The following RANBP3 variants were observed in gnomAD, a reference collection of about 807,000 sequenced individuals.
The protein encoded by RANBP3 is ran-binding protein 3.
RANBP3 carries 14 observed loss-of-function variants against 77.3 expected under a neutral mutation model. The ratio of observed to expected loss-of-function variants is 0.18; its 90% CI spans 0.12 to 0.28. RANBP3 has a LOEUF of 0.28. Ranked by LOEUF, RANBP3 falls within the 10% of genes least tolerant of loss-of-function variation. RANBP3 has a pLI of 1.00. For synonymous variants in RANBP3, 315 were observed against 312.4 expected (o/e 1.01, Z -0.09); for missense variants, 586 against 752.3 (o/e 0.78, Z 2.59).
chr19:5,932,424 C>A (rs780330308), intron 7 of RANBP3, 28 bp downstream of exon 7: 6 of 1,602,686 alleles, frequency 3.7e-6, no homozygotes, highest in Non-Finnish European at 5.1e-6. Flanking sequence ...GCCGTCTGGG[C>A]CTGGGCGCCA....
At chr19:5,957,131 T>G (rs2058344277) in intron 2 of RANBP3, among the ~76,000 whole-genome samples, 1 of 152,036 alleles carries the variant, frequency 6.6e-6, no homozygotes, top group African/African-American at 2.4e-5. Flanking sequence ...GGATAAACAG[T>G]GAGGGTCCCC....
intron 8 of RANBP3, among the ~76,000 whole-genome samples, chr19:5,929,499 T>C (rs2057959108): frequency 6.6e-6 from 1 of 152,260 alleles, no homozygotes; most frequent in Admixed American, 6.5e-5. Flanking sequence ...GGTATGTCTA[T>C]GACCTGGCGG....
At chr19:5,977,344 G>A (rs1174007716) in intron 1 of RANBP3, among the ~76,000 whole-genome samples, 1 of 152,114 alleles carries the variant, frequency 6.6e-6, no homozygotes, top group African/African-American at 2.4e-5. Context: ...CACTCAGGTG[G>A]GCTGTCAGCG....
intron 15 of RANBP3, 109 bp downstream of exon 15, chr19:5,918,387 A>AGGGGGGGGGGGGGGGG: frequency 1.7e-5 from 9 of 529,914 alleles, no homozygotes; most frequent in Admixed American, 7.3e-5. Context: ...AAGCAACTGA[A>AGGGGGGGGGGGGGGGG]GCCCCTCCCC....
chr19:5,933,108 A>G (rs2058017101), intron 6 of RANBP3: 1 of 383,168 alleles, frequency 2.6e-6, no homozygotes, highest in Non-Finnish European at 4.8e-6. Context: ...GGGCCAGAAC[A>G]TGAAGGACAG....
chr19:5,971,303 G>A (rs902679621), intron 1 of RANBP3, among the ~76,000 whole-genome samples: 3 of 152,018 alleles, frequency 2.0e-5, no homozygotes, highest in East Asian at 3.8e-4. Context: ...TGTCTTTAAC[G>A]TCTGACTTAA....
chr19:5,944,939 G>C (rs771660027), intron 3 of RANBP3, among the ~76,000 whole-genome samples: 5 of 152,170 alleles, frequency 3.3e-5, no homozygotes, highest in South Asian at 2.1e-4. Flanking sequence ...ATGACTTCTG[G>C]GACCAGGAGA....
intron 13 of RANBP3, among the ~76,000 whole-genome samples, chr19:5,922,941 A>G (rs1164936358): frequency 6.6e-6 from 1 of 152,204 alleles, no homozygotes; most frequent in Non-Finnish European, 1.5e-5. Context: ...CATTGTCTCA[A>G]AAAAAATTAA....
chr19:5,968,597 C>T (rs111250989), intron 1 of RANBP3, among the ~76,000 whole-genome samples: 6 of 152,252 alleles, frequency 3.9e-5, no homozygotes, highest in Admixed American at 1.3e-4. Context: ...ACGACAAATG[C>T]GTCAGAGTCT....
At chr19:5,925,559 A>G in intron 10 of RANBP3, 75 bp downstream of exon 10, 1 of 1,304,930 alleles carries the variant, frequency 7.7e-7, no homozygotes, top group Non-Finnish European at 1.1e-6. Context: ...GGGACCACAG[A>G]CCCCTCTCTG....
In RANBP3 at chr19:5,951,925, A is replaced by G. The variant is rs2145187739; in HGVS notation, c.79-329T>C. Among the ~76,000 whole-genome samples the G allele has an allele frequency of 1.3e-5, 2 of 152,344 alleles. 1 individual carries two copies. Among genetic ancestry groups the G allele is most frequent in the South Asian group, 4.1e-4 (2 of 4,828 alleles). On this transcript the variant is annotated intron_variant, in intron 2 of 16. Transcript: ENST00000340578. ...TTACGGGCCTTGGTGATCAAGGGAC[A>G]GGGACGATCATGCAAAATATTAAAA...
intron 1 of RANBP3, among the ~76,000 whole-genome samples, chr19:5,961,101 C>T (rs1039626649): frequency 7.9e-5 from 12 of 152,222 alleles, no homozygotes; most frequent in Middle Eastern, 3.2e-3. Flanking sequence ...TCCCTTAGAT[C>T]TGGCCTCCAC....
intron 1 of RANBP3, among the ~76,000 whole-genome samples, chr19:5,968,970 G>A (rs1409861083): frequency 6.6e-6 from 1 of 152,202 alleles, no homozygotes; most frequent in Non-Finnish European, 1.5e-5. Context: ...GAGAGAGTGA[G>A]TGAATGGGTA....
intron 1 of RANBP3, chr19:5,962,568 A>T: frequency 2.3e-6 from 1 of 427,004 alleles, no homozygotes; most frequent in Admixed American, 2.5e-5. Context: ...TCTCCAGAGG[A>T]ACGGAACCAA....
At chr19:5,941,924 T>C (rs2058142908) in intron 3 of RANBP3, 89 bp from the exon 4 acceptor site, 1 of 1,459,432 alleles carries the variant, frequency 6.9e-7, no homozygotes. Flanking sequence ...TATCCCAACA[T>C]GCACCACGGG....
chr19:5,962,944 C>T (rs1465908048), intron 1 of RANBP3, among the ~76,000 whole-genome samples: 1 of 152,156 alleles, frequency 6.6e-6, no homozygotes. Context: ...ACACCGCTAC[C>T]TCCAACTCAA....
At chr19:5,961,970 T>C (rs2058408565) in intron 1 of RANBP3, among the ~76,000 whole-genome samples, 1 of 151,790 alleles carries the variant, frequency 6.6e-6, no homozygotes, top group Non-Finnish European at 1.5e-5. Flanking sequence ...TGGCCAGTGC[T>C]TACTCCTGCA....
Position 5,917,941 on chromosome 19 carries a change from G to A in RANBP3, c.1513C>T (p.His505Tyr). ...CTGCGCAGGGCCAGGATGCGGTGGT[G>A]CAGGGCTGCATACAACTGACCTGTG... is the stretch of plus-strand genomic sequence containing the variant. The part of the protein sequence containing the change: ...KDTGQLYAAL[H>Y]HRILALRSRV... Residue 505 changes from histidine to tyrosine, a missense_variant, in exon 16 of 17, where the codon CAC (histidine) becomes TAC (tyrosine). This residue lies in a region of RANBP3 where 128 missense variants were observed against 157.0 expected (regional missense o/e 0.82). Transcript: ENST00000340578. 6.2e-7 allele frequency: 1 copy of A among 1,611,128 alleles called. No homozygotes were observed. Among genetic ancestry groups the A allele is most frequent in the Non-Finnish European group, 8.5e-7 (1 of 1,178,792 alleles).
intron 13 of RANBP3, among the ~76,000 whole-genome samples, chr19:5,922,786 A>C (rs368964552): frequency 4.6e-5 from 7 of 152,222 alleles, no homozygotes; most frequent in East Asian, 1.9e-4. Context: ...CTAAAAATAC[A>C]AAAATTAGCC....
Sources: allele counts gnomAD v4.1 joint callset (sites outside exome capture counted in the v4.1 genomes callset), GRCh38; gene constraint gnomAD v4.1.1; regional missense constraint gnomAD v4.1.1; transcripts MANE v1.5; gene names NCBI Gene and HGNC (gene_info 2026-07-23, HGNC 2026-07-21).